SCARA5: variants seen among roughly 807,000 people sequenced by gnomAD.
SCARA5 encodes the protein scavenger receptor class A, member 5 (putative).
A neutral mutation model predicts 46.3 loss-of-function variants in SCARA5; 45 were observed. The ratio of observed to expected loss-of-function variants is 0.97; its 90% confidence interval spans 0.76 to 1.24. SCARA5 has a LOEUF of 1.24. Ranked by LOEUF, SCARA5 falls within the 50% of genes most tolerant of loss-of-function variation. SCARA5 has a pLI of 0.00. For missense variants in SCARA5, 680 were observed against 689.0 expected, an observed-to-expected ratio of 0.99 and a Z score of 0.15; for synonymous variants, 333 against 306.5, an observed-to-expected ratio of 1.09 and a Z score of -0.90.
At chr8:27,955,574 C>T (rs1030167802) in intron 3 of SCARA5, among the ~76,000 whole-genome samples, 5 of 152,112 alleles carry the variant, frequency 3.3e-5, no homozygotes, top group South Asian at 2.1e-4. Flanking sequence ...GAGGTCCCAG[C>T]GAGGGGCCAG....
In SCARA5 at chr8:27,921,580, G is replaced by C; in HGVS notation, c.907C>G (p.Leu303Val). The C allele has an allele frequency of 6.4e-7, 1 of 1,552,878 alleles. No homozygotes were observed. Among genetic ancestry groups the C allele is most frequent in the Non-Finnish European group, 8.7e-7 (1 of 1,145,310 alleles). ...EHSIALRNIS[L>V]AKGPPGPKGD... ...AAGGGCCTGGCGGTACCTTTCGCGA[G>C]GGAGATGTTCCGCAGTGCGATGGAG... The change falls in exon 4 of 9, where the codon CTC becomes GTC. Residue 303 changes from leucine to valine, a missense_variant. Coordinates refer to ENST00000354914, the MANE Select transcript of SCARA5 (RefSeq NM_173833.6).
intron 7 of SCARA5, among the ~76,000 whole-genome samples, chr8:27,901,824 C>T (rs927232939): frequency 6.6e-6 from 1 of 152,228 alleles, no homozygotes; most frequent in Non-Finnish European, 1.5e-5. Flanking sequence ...GCCCTACTAC[C>T]CAAGACCAGG....
Position 27,954,650 on chromosome 8 carries a change from G to A in SCARA5, c.241+11764C>T, listed in dbSNP as rs928577227. On this transcript the variant is annotated intron_variant, in intron 3 of 8. Coordinates refer to ENST00000354914, the MANE Select transcript of SCARA5 (RefSeq NM_173833.6). The stretch of plus-strand genomic sequence containing the variant: ...TTGAGTGATTATGAAGAATGTGGTT[G>A]AGTTTTATACATATGCCATTTTCTT... Among the ~76,000 whole-genome samples, 8 of 152,212 alleles carry A rather than the reference G, an allele frequency of 5.3e-5. No individual in the cohort carries two copies. The East Asian group carries it at 1.5e-3, about 29-fold the overall frequency.
In SCARA5 at chr8:27,922,236, G is replaced by A. The variant is rs1190984032; in HGVS notation, c.251C>T (p.Pro84Leu). 2 of 1,558,420 alleles carry A rather than the reference G, an allele frequency of 1.3e-6. No individual in the cohort carries two copies. Among genetic ancestry groups the A allele is most frequent in the Admixed American group, 1.9e-5 (1 of 53,934 alleles). ...VGIFILAVSR[P>L]RSSPDDLKAL... The stretch of plus-strand genomic sequence containing the variant: ...CTTCAGGTCGTCAGGGGAGCTGCGC[G>A]GCCTGGACACTGCGGAGGAGGAAGA... The change falls in exon 4 of 9, where the codon CCG (proline) becomes CTG (leucine). Residue 84 changes from proline (P) to leucine (L), a missense_variant. Physicochemically the swap from Pro to Leu is moderately conservative, Grantham distance 98 (BLOSUM62 -3). Transcript: ENST00000354914.
chr8:27,974,179 C>A (rs34806597), intron 2 of SCARA5, among the ~76,000 whole-genome samples: 2 of 151,994 alleles, frequency 1.3e-5, no homozygotes, highest in Non-Finnish European at 2.9e-5. Context: ...CACAGTGCTT[C>A]GGGGGAAAAG....
chr8:27,967,965 G>A (rs1808395172), intron 2 of SCARA5, among the ~76,000 whole-genome samples: 1 of 152,020 alleles, frequency 6.6e-6, no homozygotes, highest in Non-Finnish European at 1.5e-5. Context: ...AACTGGAGTG[G>A]GCAGAAAAAG....
At chr8:27,956,902 C>T (rs1448517434) in intron 3 of SCARA5, among the ~76,000 whole-genome samples, 1 of 152,140 alleles carries the variant, frequency 6.6e-6, no homozygotes, top group African/African-American at 2.4e-5. Context: ...ACAGAAATTC[C>T]CAGAACTTAT....
chr8:27,874,497 A>G (rs531305118), intron 8 of SCARA5, among the ~76,000 whole-genome samples: 1 of 152,362 alleles, frequency 6.6e-6, no homozygotes, highest in African/African-American at 2.4e-5. Flanking sequence ...GTTGTATTGG[A>G]ACACAGCCCC....
At chr8:27,926,433 A>G (rs1221941951) in intron 3 of SCARA5, among the ~76,000 whole-genome samples, 1 of 144,884 alleles carries the variant, frequency 6.9e-6, no homozygotes, top group African/African-American at 2.5e-5. Flanking sequence ...AACATCACAC[A>G]CCGGGGCCTG....
Position 27,871,874 on chromosome 8 carries a change from AC to A in SCARA5, c.*59del. ...TCAGGGTGGCCCCGAGCTGTGCCCC[AC>A]CCCAGGGATGCAGGAAGGGTGCTCT... On this transcript the variant is annotated 3_prime_UTR_variant, in exon 9 of 9. Coordinates refer to ENST00000354914, the MANE Select transcript of SCARA5 (RefSeq NM_173833.6). The A allele has an allele frequency of 6.2e-7, 1 of 1,609,400 alleles. No homozygotes were observed.
chr8:27,872,271 G>T (rs1806651819), intron 8 of SCARA5, among the ~76,000 whole-genome samples: 1 of 152,156 alleles, frequency 6.6e-6, no homozygotes, highest in Admixed American at 6.5e-5. Flanking sequence ...CACAATAATT[G>T]TTGGTGATGA....
At chr8:27,925,307 A>T (rs1271483809) in intron 3 of SCARA5, among the ~76,000 whole-genome samples, 1 of 152,238 alleles carries the variant, frequency 6.6e-6, no homozygotes, top group Non-Finnish European at 1.5e-5. Flanking sequence ...CCAATGGAAC[A>T]GAGCAGACGC....
intron 3 of SCARA5, among the ~76,000 whole-genome samples, chr8:27,928,145 A>ACAC (rs1341352268): frequency 6.6e-6 from 1 of 152,156 alleles, no homozygotes; most frequent in Non-Finnish European, 1.5e-5. Context: ...CTCTGCTTAC[A>ACAC]CACCACCACC....
At position 27,871,891 on chromosome 8, in the gene SCARA5, A is replaced by T. The variant is rs2129646892; in HGVS notation, c.*43T>A. ...TGTGCCCCACCCCAGGGATGCAGGA[A>T]GGGTGCTCTGTGCAGGACCCCGAAC... On this transcript the variant is annotated 3_prime_UTR_variant, in exon 9 of 9. Coordinates refer to ENST00000354914, the MANE Select transcript of SCARA5 (RefSeq NM_173833.6). 1 of 1,612,552 alleles carries T rather than the reference A, an allele frequency of 6.2e-7. No individual in the cohort carries two copies. The highest frequency in any genetic ancestry group is 1.1e-5 in the South Asian group (1 of 91,016).
At chr8:27,970,497 C>A (rs1808432477) in intron 2 of SCARA5, among the ~76,000 whole-genome samples, 1 of 152,176 alleles carries the variant, frequency 6.6e-6, no homozygotes, top group Admixed American at 6.5e-5. Context: ...AAGTTGCCAC[C>A]CTTTTTCTAG....
chr8:27,934,420 G>C (rs117679026), intron 3 of SCARA5, among the ~76,000 whole-genome samples: 134 of 152,228 alleles, frequency 8.8e-4, no homozygotes, highest in Admixed American at 1.6e-3. Flanking sequence ...ATAAAACTCA[G>C]AGTGTTCTCA....
intron 2 of SCARA5, 131 bp from the exon 3 acceptor site, chr8:27,966,673 T>A: frequency 1.0e-6 from 1 of 988,200 alleles, no homozygotes; most frequent in African/African-American, 1.6e-5. Context: ...CCCTTTTGCA[T>A]GTCTAGAATG....
intron 2 of SCARA5, among the ~76,000 whole-genome samples, chr8:27,978,828 T>C (rs1013555624): frequency 2.6e-5 from 4 of 152,076 alleles, no homozygotes; most frequent in African/African-American, 9.7e-5. Flanking sequence ...CTTAGTGCAG[T>C]CCCTCAGGTC....
At chr8:27,902,958 T>C (rs6999364) in intron 7 of SCARA5, among the ~76,000 whole-genome samples, 64,908 of 151,990 alleles carry the variant, frequency 0.43, 14,007 homozygotes, top group East Asian at 0.55. Context: ...AGCCTGGGCA[T>C]TTCCTTGTTT....
Sources: allele counts gnomAD v4.1 joint callset (sites outside exome capture counted in the v4.1 genomes callset), GRCh38; gene constraint gnomAD v4.1.1; transcripts MANE v1.5; gene names NCBI Gene and HGNC (gene_info 2026-07-23, HGNC 2026-07-21).